Variants in SPRED2 observed in about 807,000 individuals in gnomAD.
The protein encoded by SPRED2 is sprouty-related, EVH1 domain-containing protein 2.
A neutral mutation model predicts 43.0 loss-of-function variants in SPRED2; 47 were observed. The observed-to-expected ratio is 1.09, with a 90% confidence interval of 0.87 to 1.40. The LOEUF (loss-of-function observed/expected upper bound fraction) is 1.40, where lower values mean the gene tolerates loss of function less well. Ranked by LOEUF, SPRED2 falls within the 40% of genes most tolerant of loss-of-function variation. The pLI is 0.00. For synonymous variants in SPRED2, 225 were observed against 225.7 expected (o/e 1.00, Z 0.03); for missense variants, 561 against 586.4 (o/e 0.96, Z 0.45).
chr2:65,355,047 A>G (rs925247846), intron 1 of SPRED2, among the ~76,000 whole-genome samples: 20 of 152,320 alleles, frequency 1.3e-4, no homozygotes, highest in African/African-American at 4.6e-4. Context: ...GTAGTTTAGT[A>G]ATTAGATTAT....
intron 1 of SPRED2, among the ~76,000 whole-genome samples, chr2:65,393,781 A>G (rs1285459625): frequency 6.6e-6 from 1 of 152,208 alleles, no homozygotes; most frequent in Non-Finnish European, 1.5e-5. Context: ...CTAGGGAAAC[A>G]TGAACTATTT....
intron 1 of SPRED2, among the ~76,000 whole-genome samples, chr2:65,420,945 T>C (rs1676408381): frequency 6.6e-6 from 1 of 152,194 alleles, no homozygotes; most frequent in South Asian, 2.1e-4. Flanking sequence ...AACCACTTCC[T>C]CTTTCTCTGA....
rs762691260 is a variant in SPRED2 at position 65,316,894 on chromosome 2, G to T, written c.439-11C>A. On this transcript the variant is annotated splice_polypyrimidine_tract_variant and intron_variant, in intron 4 of 5. Transcript: ENST00000356388. Reference sequence around the variant, plus strand: ...ACTGTCTGTAGCTGTCTGTGTAGAGGGAGGTAACCAAGAGTCAATTTAAAA... The same window carrying T: ...ACTGTCTGTAGCTGTCTGTGTAGAGTGAGGTAACCAAGAGTCAATTTAAAA... 1.2e-6 allele frequency: 2 copies of T among 1,608,538 alleles called. No individual in the cohort carries two copies. Among genetic ancestry groups the T allele is most frequent in the Non-Finnish European group, 1.7e-6 (2 of 1,178,064 alleles).
At chr2:65,393,341 C>CT (rs1675682421) in intron 1 of SPRED2, among the ~76,000 whole-genome samples, 7 of 101,180 alleles carry the variant, frequency 6.9e-5, no homozygotes, top group Non-Finnish European at 1.5e-4. Flanking sequence ...TTTTTTTTTT[C>CT]TTTTTTTTGA....
intron 1 of SPRED2, among the ~76,000 whole-genome samples, chr2:65,395,838 C>T (rs1247323955): frequency 6.6e-6 from 1 of 152,218 alleles, no homozygotes. Context: ...TAAAAACCTT[C>T]AATTGCTCCC....
Position 65,383,112 on chromosome 2 carries a change from G to C in SPRED2, c.27-38216C>G, listed in dbSNP as rs552141357. Among the ~76,000 whole-genome samples the C allele has an allele frequency of 1.2e-4, 18 of 152,322 alleles. No individual in the cohort carries two copies. In the East Asian group the frequency reaches 3.5e-3, roughly 29 times the overall value. On this transcript the variant is annotated intron_variant, in intron 1 of 5. Coordinates refer to ENST00000356388, the MANE Select transcript of SPRED2 (RefSeq NM_181784.3). ...AGGCTTACGTTTTAAAAATACCACC[G>C]GCATGCTAGCTTGGCGTCTGTAAGC...
At chr2:65,309,859 A>C (rs1207570216), downstream of SPRED2, among the ~76,000 whole-genome samples, 1 of 152,158 alleles carries the variant, frequency 6.6e-6, no homozygotes, top group Non-Finnish European at 1.5e-5. Context: ...CCCACTTGTC[A>C]AGGCCACCAG....
intron 1 of SPRED2, among the ~76,000 whole-genome samples, chr2:65,411,572 T>C (rs1676160391): frequency 2.0e-5 from 3 of 152,196 alleles, no homozygotes. Flanking sequence ...GATGGAATGT[T>C]GGCCTGAACA....
chr2:65,322,258 CTCTCTCTCTCTCTA>C (rs1291959827), intron 4 of SPRED2, among the ~76,000 whole-genome samples: 20 of 76,378 alleles, frequency 2.6e-4, no homozygotes, highest in African/African-American at 6.0e-4. Flanking sequence ...CTCTCTCTCT[CTCTCTCTCTCTCTA>C]TATATATATA....
chr2:65,411,027 G>A (rs1365603099), intron 1 of SPRED2, among the ~76,000 whole-genome samples: 4 of 152,174 alleles, frequency 2.6e-5, no homozygotes, highest in Admixed American at 2.0e-4. Flanking sequence ...CAGAGGATGC[G>A]CTTGACCTAC....
chr2:65,364,286 C>T (rs1226854914), intron 1 of SPRED2, among the ~76,000 whole-genome samples: 5 of 152,162 alleles, frequency 3.3e-5, no homozygotes, highest in Admixed American at 6.6e-5. Context: ...AGAGAAGAAC[C>T]GGACTGGGCT....
At chr2:65,429,768 T>G (rs1676634134) in intron 1 of SPRED2, among the ~76,000 whole-genome samples, 2 of 152,048 alleles carry the variant, frequency 1.3e-5, no homozygotes. Flanking sequence ...GTGGCTAAGG[T>G]GCCAAGGCTT....
chr2:65,316,853 G>C lies in SPRED2; in HGVS notation c.469C>G (p.Gln157Glu). The C allele has an allele frequency of 6.2e-7, 1 of 1,613,924 alleles. No homozygotes were observed. The highest frequency in any genetic ancestry group is 8.5e-7 in the Non-Finnish European group (1 of 1,179,982). ...TATDSSSNSS[Q>E]KREQPTRTIS... ...GTCCGAGTAGGTTGCTCTCTCTTCTGAGAGGAATTAGAAGAACTGTCTGTA... is the reference window on the plus strand; with the variant it reads ...GTCCGAGTAGGTTGCTCTCTCTTCTCAGAGGAATTAGAAGAACTGTCTGTA... The change falls in exon 5 of 6, where the codon CAG (glutamine) becomes GAG (glutamate). Residue 157 changes from glutamine to glutamate, a missense_variant. Physicochemically the swap from Gln to Glu is conservative, Grantham distance 29. Around this residue, in one of 6 missense-constraint regions of SPRED2, gnomAD observed 305 missense variants for 282.4 expected, o/e 1.08. Transcript: ENST00000356388.
At chr2:65,329,553 A>G (rs922701666) in intron 4 of SPRED2, among the ~76,000 whole-genome samples, 2 of 152,224 alleles carry the variant, frequency 1.3e-5, no homozygotes, top group African/African-American at 4.8e-5. Context: ...ACTTTCTTCC[A>G]GGCATTTGGT....
chr2:65,348,367 C>T (rs1309629876), intron 1 of SPRED2, among the ~76,000 whole-genome samples: 1 of 152,180 alleles, frequency 6.6e-6, no homozygotes. Flanking sequence ...TGCTTGCCTA[C>T]CAGAATATGA....
chr2:65,333,580 C>T (rs1673878096), intron 3 of SPRED2, among the ~76,000 whole-genome samples: 1 of 152,174 alleles, frequency 6.6e-6, no homozygotes, highest in Non-Finnish European at 1.5e-5. Flanking sequence ...GAACGTCTAT[C>T]AATAATATAG....
At chr2:65,414,323 T>C (rs908194978) in intron 1 of SPRED2, among the ~76,000 whole-genome samples, 1 of 149,004 alleles carries the variant, frequency 6.7e-6, no homozygotes, top group African/African-American at 2.6e-5. Flanking sequence ...GAGTACTACA[T>C]TTTTCACATT....
chr2:65,389,243 CTTTT>C (rs11335406), intron 1 of SPRED2, among the ~76,000 whole-genome samples: 2 of 140,190 alleles, frequency 1.4e-5, no homozygotes, highest in Non-Finnish European at 1.5e-5. Context: ...CATGCTCAAC[CTTTT>C]TTTTTTTTTT....
At chr2:65,411,478 C>CG (rs1676158081) in intron 1 of SPRED2, among the ~76,000 whole-genome samples, 1 of 152,160 alleles carries the variant, frequency 6.6e-6, no homozygotes, top group East Asian at 1.9e-4. Flanking sequence ...TATGCTGAAA[C>CG]GGGCCACACA....
Sources: gnomAD v4.1 joint callset for allele counts (sites outside exome capture counted in the v4.1 genomes callset) on GRCh38, gnomAD v4.1.1 for gene constraint, gnomAD v4.1.1 regional missense constraint, MANE v1.5 for transcripts, NCBI Gene and HGNC (gene_info 2026-07-23, HGNC 2026-07-21) for gene names.